The following LTBP1 variants were observed in gnomAD, a reference collection of about 807,000 sequenced individuals.
LTBP1 encodes the protein latent transforming growth factor beta binding protein 1, also known as latent-transforming growth factor beta-binding protein 1.
A neutral mutation model predicts 207.6 loss-of-function variants in LTBP1; 129 were observed. The observed-to-expected ratio is 0.62, with a 90% CI of 0.54 to 0.72. LTBP1 has a LOEUF of 0.72. LTBP1 is among the 30% of genes least tolerant of loss of function. The probability of loss-of-function intolerance (pLI) is 0.00; values close to 1 mark genes in which losing one functional copy is unlikely to be tolerated. For synonymous variants in LTBP1, 963 were observed against 833.7 expected (o/e 1.16, Z -2.67); for missense variants, 2,281 against 2,217.2 (o/e 1.03, Z -0.58).
chr2:33,346,686 A>C (rs1368785285), intron 25 of LTBP1, among the ~76,000 whole-genome samples: 1 of 140,716 alleles, frequency 7.1e-6, no homozygotes, highest in Non-Finnish European at 1.5e-5. Context: ...CGCCGTCTCA[A>C]AAAAAAAAAA....
At position 33,104,147 on chromosome 2, in the gene LTBP1, A is replaced by C. The variant is rs927717501; in HGVS notation, c.864-6435A>C. Among the ~76,000 whole-genome samples the C allele has an allele frequency of 2.6e-5, 4 of 152,138 alleles. 1 individual carries two copies. In the East Asian group the frequency reaches 7.7e-4, roughly 29 times the overall value. On this transcript the variant is annotated intron_variant, in intron 3 of 33. Coordinates refer to ENST00000404816, the MANE Select transcript of LTBP1 (RefSeq NM_206943.4). ...AATGGATTTAGTAGAAATATGGAAA[A>C]GTTTAGTCTGTCTGTGCGCCAAAAA...
intron 3 of LTBP1, among the ~76,000 whole-genome samples, chr2:33,034,283 T>C (rs1255314182): frequency 2.0e-5 from 3 of 151,042 alleles, no homozygotes; most frequent in Non-Finnish European, 2.9e-5. Flanking sequence ...TTAGAATAAG[T>C]GCAAATGAAA....
intron 7 of LTBP1, among the ~76,000 whole-genome samples, chr2:33,216,283 T>C (rs2090697554): frequency 6.6e-6 from 1 of 152,140 alleles, no homozygotes. Flanking sequence ...ATAGTGATGG[T>C]TCTTCAGAGC....
chr2:33,331,002 G>C (rs1273029305), intron 24 of LTBP1, among the ~76,000 whole-genome samples: 6 of 151,612 alleles, frequency 4.0e-5, no homozygotes, highest in African/African-American at 1.5e-4. Context: ...AGTAAGTTTT[G>C]TTTTCCAAGG....
chr2:33,229,688 T>C (rs2149532555), intron 9 of LTBP1, among the ~76,000 whole-genome samples: 1 of 152,322 alleles, frequency 6.6e-6, no homozygotes, highest in Admixed American at 6.5e-5. Flanking sequence ...ATGAGTTTTT[T>C]TGCATTTTCC....
intron 3 of LTBP1, among the ~76,000 whole-genome samples, chr2:33,049,618 T>G (rs1340807429): frequency 1.3e-5 from 2 of 152,154 alleles, no homozygotes; most frequent in Admixed American, 6.5e-5. Flanking sequence ...GAAAACTACT[T>G]AAAAAAATTT....
At chr2:33,229,799 C>G (rs924545823) in intron 9 of LTBP1, among the ~76,000 whole-genome samples, 1 of 152,130 alleles carries the variant, frequency 6.6e-6, no homozygotes, top group African/African-American at 2.4e-5. Context: ...CTGGTAACAC[C>G]AAATCCTGGC....
In LTBP1 at chr2:33,334,550, A is replaced by G. The variant is rs186310519; in HGVS notation, c.3731-8288A>G. Among the ~76,000 whole-genome samples the G allele has an allele frequency of 2.1e-3, 315 of 152,282 alleles. 1 individual carries two copies. The highest frequency in any genetic ancestry group is 4.2e-3 in the African/African-American group (173 of 41,548). Reference sequence around the variant, plus strand: ...ACTGGAGATACAACCAAAAGATAAAATCAGAAGAATGTGGTGACTGGATGT... The same window carrying G: ...ACTGGAGATACAACCAAAAGATAAAGTCAGAAGAATGTGGTGACTGGATGT... On this transcript the variant is annotated intron_variant, in intron 24 of 33. Coordinates refer to ENST00000404816, the MANE Select transcript of LTBP1 (RefSeq NM_206943.4).
At chr2:33,138,280 C>A (rs950724789) in intron 5 of LTBP1, among the ~76,000 whole-genome samples, 3 of 152,186 alleles carry the variant, frequency 2.0e-5, no homozygotes, top group African/African-American at 7.2e-5. Context: ...AGTATAACTT[C>A]TGCTTAATGC....
chr2:33,074,666 C>G (rs536291646), intron 3 of LTBP1, among the ~76,000 whole-genome samples: 4 of 152,028 alleles, frequency 2.6e-5, no homozygotes, highest in African/African-American at 7.2e-5. Flanking sequence ...GTCAGGAGAT[C>G]GAGACCATCC....
chr2:33,300,691 T>A lies in LTBP1; in HGVS notation c.3358+118T>A, dbSNP rs1369470155. 2.8e-6 allele frequency: 3 copies of A among 1,055,482 alleles called. No homozygotes were observed. The African/African-American group carries it at 4.8e-5, about 17-fold the overall frequency. The allele number at this position is 1,055,482 out of a possible 1,614,324, so 65.4% of individuals were successfully genotyped here. A position where few individuals can be genotyped will look rare whatever the true frequency, so the allele number is the denominator to read the frequency against. On this transcript the variant is annotated intron_variant, in intron 21 of 33. Coordinates refer to ENST00000404816, the MANE Select transcript of LTBP1 (RefSeq NM_206943.4). ...AATTACCCAGATAATTGCATTATAG[T>A]GCCAGAAAGCCAGGACTTAAACATA...
intron 3 of LTBP1, among the ~76,000 whole-genome samples, chr2:33,058,029 T>A (rs2149588822): frequency 6.6e-6 from 1 of 152,328 alleles, no homozygotes; most frequent in South Asian, 2.1e-4. Flanking sequence ...CTCTACCTCA[T>A]CATAAAAGTA....
Position 33,021,132 on chromosome 2 carries a change from C to A in LTBP1, c.789C>A (p.Val263=). Residue 263 remains valine, a synonymous_variant, in exon 3 of 34, where the codon GTC becomes GTA. Transcript: ENST00000404816. The part of the protein sequence containing the change: ...SSKKADTLPR[V]SPVAQMTLTL... ...AGAAGGCAGACACTCTACCAAGAGT[C>A]AGCCCTGTGGCCCAGATGACCTTAA... 1 of 1,613,916 alleles carries A rather than the reference C, an allele frequency of 6.2e-7. No individual in the cohort carries two copies. The highest frequency in any genetic ancestry group is 8.5e-7 in the Non-Finnish European group (1 of 1,179,888).
intron 3 of LTBP1, among the ~76,000 whole-genome samples, chr2:33,083,393 G>A (rs904172058): frequency 6.6e-6 from 1 of 152,062 alleles, no homozygotes; most frequent in East Asian, 1.9e-4. Context: ...CAGTTGAGGC[G>A]GGTCTTAGAC....
At chr2:33,056,449 T>C in intron 3 of LTBP1, 1 of 953,920 alleles carries the variant, frequency 1.0e-6, no homozygotes, top group Non-Finnish European at 1.5e-6. Context: ...TTTAGTTCCC[T>C]GTTGTTGCAA....
chr2:33,099,588 G>A (rs896566103), intron 3 of LTBP1, among the ~76,000 whole-genome samples: 7 of 152,198 alleles, frequency 4.6e-5, no homozygotes, highest in Non-Finnish European at 1.5e-5. Context: ...TGAAGAGACT[G>A]AGACTTAGAG....
intron 5 of LTBP1, among the ~76,000 whole-genome samples, chr2:33,142,886 G>A (rs554167227): frequency 6.6e-6 from 1 of 152,326 alleles, no homozygotes; most frequent in Non-Finnish European, 1.5e-5. Context: ...CTTGGGGTCT[G>A]TAACACAATG....
At chr2:33,110,905 A>C (rs1030573075) in intron 4 of LTBP1, among the ~76,000 whole-genome samples, 154 bp downstream of exon 4, 2 of 152,136 alleles carry the variant, frequency 1.3e-5, no homozygotes, top group Admixed American at 6.5e-5. Context: ...AGACAGCAGA[A>C]ATTTAGCATG....
intron 7 of LTBP1, among the ~76,000 whole-genome samples, chr2:33,189,375 T>C (rs2087584612): frequency 6.6e-6 from 1 of 152,142 alleles, no homozygotes; most frequent in African/African-American, 2.4e-5. Context: ...TTTATAATTT[T>C]AGTAGAGATG....
Sources: allele counts gnomAD v4.1 joint callset (sites outside exome capture counted in the v4.1 genomes callset), GRCh38; gene constraint gnomAD v4.1.1; transcripts MANE v1.5; gene names NCBI Gene and HGNC (gene_info 2026-07-23, HGNC 2026-07-21).